Variants in NALF1 observed in about 807,000 individuals in gnomAD.
NALF1 encodes family with sequence similarity 155 member A.
Under a neutral mutation model 48.4 loss-of-function variants are expected in NALF1, and 3 were observed. The ratio of observed to expected loss-of-function variants is 0.06; its 90% CI spans 0.03 to 0.16. NALF1 has a LOEUF of 0.16. Among genes scored for constraint, NALF1 ranks in the 10% least tolerant of loss-of-function variants. The pLI, the probability that NALF1 is intolerant of heterozygous loss-of-function variation, is 1.00. For missense variants in NALF1, 526 were observed against 571.5 expected, an observed-to-expected ratio of 0.92 and a Z score of 0.81; for synonymous variants, 262 against 245.7, an observed-to-expected ratio of 1.07 and a Z score of -0.62.
chr13:107,726,941 G>C, intron 1 of NALF1, among the ~76,000 whole-genome samples: 1 of 151,032 alleles, frequency 6.6e-6, no homozygotes, highest in African/African-American at 2.4e-5. Flanking sequence ...GTGTGTGTGT[G>C]TGTGTGTGTG....
intron 1 of NALF1, among the ~76,000 whole-genome samples, chr13:107,358,644 G>T (rs546113135): frequency 3.3e-5 from 5 of 152,232 alleles, no homozygotes; most frequent in African/African-American, 1.2e-4. Context: ...AATTAAAAAT[G>T]CAATACCTTC....
intron 1 of NALF1, among the ~76,000 whole-genome samples, chr13:107,236,124 T>C (rs1264483374): frequency 1.3e-5 from 2 of 152,096 alleles, no homozygotes; most frequent in African/African-American, 4.8e-5. Flanking sequence ...CTTGAGATAG[T>C]AGGAAAGGCT....
chr13:107,751,826 G>C (rs1386679761), intron 1 of NALF1, among the ~76,000 whole-genome samples: 1 of 151,942 alleles, frequency 6.6e-6, no homozygotes, highest in African/African-American at 2.4e-5. Flanking sequence ...TTGACTACTA[G>C]CAACATACAT....
chr13:107,412,727 G>C (rs7321605), intron 1 of NALF1, among the ~76,000 whole-genome samples: 63,350 of 151,918 alleles, frequency 0.42, 13,336 homozygotes, highest in Middle Eastern at 0.53. Flanking sequence ...ATTTACAATA[G>C]TATCGTATCA....
rs768604635 is a variant in NALF1, at chr13:107,362,421, G to A, written c.916-151666C>T. ...AACCTGTAGAGTAGCATCTTCGCTTGCCTCCTCCTGACTTTGGAGGTATCA... is the reference window on the plus strand; with the variant it reads ...AACCTGTAGAGTAGCATCTTCGCTTACCTCCTCCTGACTTTGGAGGTATCA... On this transcript the variant is annotated intron_variant, in intron 1 of 2. Transcript: ENST00000375915. The surrounding 1 kb of genome is among the most constrained non-coding windows in gnomAD (Gnocchi z 4.6). Among the ~76,000 whole-genome samples the A allele has an allele frequency of 2.0e-5, 3 of 152,206 alleles. No individual in the cohort carries two copies. The highest frequency in any genetic ancestry group is 4.8e-5 in the African/African-American group (2 of 41,536).
chr13:107,834,107 A>G (rs1190712582), intron 1 of NALF1, among the ~76,000 whole-genome samples: 2 of 152,184 alleles, frequency 1.3e-5, no homozygotes, highest in Non-Finnish European at 2.9e-5. Flanking sequence ...ATACAGCCTA[A>G]TTACTAGTTA....
chr13:107,683,693 T>C (rs1881360712), intron 1 of NALF1, among the ~76,000 whole-genome samples: 1 of 152,192 alleles, frequency 6.6e-6, no homozygotes, highest in Non-Finnish European at 1.5e-5. Flanking sequence ...GTGGCAGGAC[T>C]GAAGCTGACT....
In NALF1 at chr13:107,446,689, T is replaced by C. The variant is rs1381489879; in HGVS notation, c.916-235934A>G. ...CCTAACACTTTCTGTTTCTTAATTTTTGTTCATTCACACTTTGATATAAAG... is the reference window on the plus strand; with the variant it reads ...CCTAACACTTTCTGTTTCTTAATTTCTGTTCATTCACACTTTGATATAAAG... On this transcript the variant is annotated intron_variant, in intron 1 of 2. Coordinates refer to ENST00000375915, the MANE Select transcript of NALF1 (RefSeq NM_001080396.3). Among the ~76,000 whole-genome samples, 3 of 152,208 alleles carry C rather than the reference T, an allele frequency of 2.0e-5. No homozygotes were observed. The East Asian group carries it at 5.8e-4, about 29-fold the overall frequency.
chr13:107,324,200 G>A (rs1317585373), intron 1 of NALF1, among the ~76,000 whole-genome samples: 1 of 152,140 alleles, frequency 6.6e-6, no homozygotes, highest in African/African-American at 2.4e-5. Context: ...CACTTTGACA[G>A]TATTTTTCAG....
At chr13:107,855,537 T>C (rs1880422436) in intron 1 of NALF1, among the ~76,000 whole-genome samples, 1 of 152,158 alleles carries the variant, frequency 6.6e-6, no homozygotes, top group Non-Finnish European at 1.5e-5. Context: ...ATCTTTTATG[T>C]ACCAAAGAAT....
intron 1 of NALF1, among the ~76,000 whole-genome samples, chr13:107,443,447 C>A (rs1884599017): frequency 6.6e-6 from 1 of 152,158 alleles, no homozygotes; most frequent in Non-Finnish European, 1.5e-5. Flanking sequence ...GAACCCATGA[C>A]CTCAAGTGAT....
intron 1 of NALF1, among the ~76,000 whole-genome samples, chr13:107,782,400 C>A (rs1270459950): frequency 6.6e-6 from 1 of 152,152 alleles, no homozygotes; most frequent in Non-Finnish European, 1.5e-5. Context: ...TCTCGGCTCG[C>A]TACAACCTCC....
At chr13:107,481,834 C>A (rs887551538) in intron 1 of NALF1, among the ~76,000 whole-genome samples, 1 of 152,106 alleles carries the variant, frequency 6.6e-6, no homozygotes, top group African/African-American at 2.4e-5. Flanking sequence ...CTCCAATATA[C>A]TGTAGTCTTT....
At chr13:107,835,965 G>A (rs943616010) in intron 1 of NALF1, among the ~76,000 whole-genome samples, 1 of 152,080 alleles carries the variant, frequency 6.6e-6, no homozygotes, top group African/African-American at 2.4e-5. Flanking sequence ...GCAGCACAGA[G>A]CCGGTCTGCT....
intron 1 of NALF1, among the ~76,000 whole-genome samples, chr13:107,400,096 C>T (rs181610113): frequency 7.9e-5 from 12 of 152,228 alleles, no homozygotes; most frequent in African/African-American, 2.9e-4. Context: ...AACTTCAGAA[C>T]TGTACCATAT....
chr13:107,395,516 G>A (rs981051041), intron 1 of NALF1, among the ~76,000 whole-genome samples: 1 of 152,018 alleles, frequency 6.6e-6, no homozygotes, highest in Non-Finnish European at 1.5e-5. Context: ...CTGGGTCGTC[G>A]AGAAGTGTCA....
intron 1 of NALF1, among the ~76,000 whole-genome samples, chr13:107,555,241 G>A (rs1003118305): frequency 1.3e-5 from 2 of 151,356 alleles, no homozygotes; most frequent in Admixed American, 1.3e-4. Flanking sequence ...GTTGTGAGGG[G>A]AGAAGATGTT....
intron 1 of NALF1, among the ~76,000 whole-genome samples, chr13:107,605,733 G>T (rs1359813258): frequency 4.6e-5 from 7 of 152,158 alleles, no homozygotes; most frequent in Admixed American, 1.3e-4. Flanking sequence ...GCTAGACAAG[G>T]GTGTTGCAGA....
intron 1 of NALF1, among the ~76,000 whole-genome samples, chr13:107,253,588 C>A (rs1013853763): frequency 6.6e-6 from 1 of 152,206 alleles, no homozygotes; most frequent in African/African-American, 2.4e-5. Flanking sequence ...AAGATTAATT[C>A]TATAGCAAGG....
Sources: allele counts gnomAD v4.1 joint callset (sites outside exome capture counted in the v4.1 genomes callset), GRCh38; gene constraint gnomAD v4.1.1; non-coding constraint Gnocchi (gnomAD v3.1); transcripts MANE v1.5; gene names NCBI Gene and HGNC (gene_info 2026-07-23, HGNC 2026-07-21).